Variants in HTR1D observed in about 807,000 individuals in gnomAD.
HTR1D encodes 5-HT-1D.
HTR1D carries 18 observed loss-of-function variants against 21.1 expected under a neutral mutation model. The observed-to-expected ratio is 0.85, with a 90% CI of 0.59 to 1.27. The LOEUF is 1.27. HTR1D is among the 50% of genes most tolerant of loss of function. The pLI is 0.00. For synonymous variants in HTR1D, 196 were observed against 204.4 expected (o/e 0.96, Z 0.35); for missense variants, 456 against 481.4 (o/e 0.95, Z 0.49).
chr1:23,195,997 G>GT lies in HTR1D; in HGVS notation c.-782-997dup, dbSNP rs542759563. Among the ~76,000 whole-genome samples the GT allele has an allele frequency of 3.9e-5, 6 of 151,934 alleles. No individual in the cohort carries two copies. In the South Asian group the frequency reaches 1.2e-3, roughly 32 times the overall value. ...TGCACACCACCGTGCCCAGCTAATT[G>GT]TTTTTTATTTGTTTGTTTGTTTTCA... On this transcript the variant is annotated intron_variant, in intron 1 of 1. Coordinates refer to ENST00000374619, the MANE Select transcript of HTR1D (RefSeq NM_000864.5).
At chr1:23,203,967 A>G (rs1295013293) in intron 1 of HTR1D, among the ~76,000 whole-genome samples, 2 of 152,186 alleles carry the variant, frequency 1.3e-5, no homozygotes, top group Admixed American at 6.5e-5. Flanking sequence ...CAATACAGGG[A>G]GACCGTCTCT....
chr1:23,206,673 C>G (rs1644732186), intron 1 of HTR1D, among the ~76,000 whole-genome samples: 1 of 152,150 alleles, frequency 6.6e-6, no homozygotes, highest in Non-Finnish European at 1.5e-5. Context: ...CCCTTCAGAG[C>G]TAGGCTCTGG....
Position 23,193,283 on chromosome 1 carries a change from A to G in HTR1D, c.937T>C (p.Cys313Arg). Residue 313 changes from cysteine to arginine, a missense_variant, in exon 2 of 2, where the codon TGC (cysteine) becomes CGC (arginine). Cys to Arg is a radical substitution (Grantham distance 180). Coordinates refer to ENST00000374619, the MANE Select transcript of HTR1D (RefSeq NM_000864.5). ...GACACCACGAAGAAGGGCAGCCAGC[A>G]GATGATAAAGGCCCCCAGAATGATG... Reference protein sequence around the residue: ...LGIILGAFIICWLPFFVVSLV... With the variant: ...LGIILGAFIIRWLPFFVVSLV... 6.2e-7 allele frequency: 1 copy of G among 1,614,210 alleles called. No homozygotes were observed. Among genetic ancestry groups the G allele is most frequent in the Non-Finnish European group, 8.5e-7 (1 of 1,180,038 alleles).
At chr1:23,210,632 C>G (rs1415810577) in intron 1 of HTR1D, among the ~76,000 whole-genome samples, 1 of 152,020 alleles carries the variant, frequency 6.6e-6, no homozygotes, top group Non-Finnish European at 1.5e-5. Context: ...AGCGCTCCTT[C>G]TACTGGCTCC....
At chr1:23,204,780 A>G (rs1011563976) in intron 1 of HTR1D, among the ~76,000 whole-genome samples, 2 of 152,148 alleles carry the variant, frequency 1.3e-5, no homozygotes, top group Admixed American at 6.5e-5. Context: ...AGGGAGAGAC[A>G]AGGACGTGGA....
intron 1 of HTR1D, among the ~76,000 whole-genome samples, chr1:23,205,817 C>G (rs1018429135): frequency 5.9e-5 from 9 of 152,214 alleles, no homozygotes; most frequent in Non-Finnish European, 1.2e-4. Flanking sequence ...GTTGGGATTA[C>G]AGGCGTGTGC....
Position 23,193,163 on chromosome 1 carries a change from G to T in HTR1D, c.1057C>A (p.Pro353Thr), listed in dbSNP as rs1451513206. The T allele has an allele frequency of 2.5e-6, 4 of 1,613,078 alleles. No homozygotes were observed. The highest frequency in any genetic ancestry group is 2.7e-5 in the African/African-American group (2 of 74,582). The change falls in exon 2 of 2, where the codon CCA (proline) becomes ACA (threonine). Residue 353 changes from proline to threonine, a missense_variant. By Grantham distance (38) the Pro-to-Thr change is conservative. Transcript: ENST00000374619. ...WLGYLNSLIN[P>T]IIYTVFNEEF... ...TCATTAAACACAGTGTAGATTATTG[G>T]ATTGATGAGGGAGTTTAAATAGCCT...
At chr1:23,209,507 C>A (rs1005969678) in intron 1 of HTR1D, among the ~76,000 whole-genome samples, 1 of 149,952 alleles carries the variant, frequency 6.7e-6, no homozygotes, top group Non-Finnish European at 1.5e-5. Flanking sequence ...GGGGGGAGGG[C>A]GCTATGTGGG....
At chr1:23,205,489 G>T (rs1644726230) in intron 1 of HTR1D, among the ~76,000 whole-genome samples, 1 of 152,150 alleles carries the variant, frequency 6.6e-6, no homozygotes, top group Non-Finnish European at 1.5e-5. Flanking sequence ...TGAGTTTGAG[G>T]GTAGCTTGTT....
rs1260508918 is a variant in HTR1D, at chr1:23,192,751, C to G, written c.*335G>C. 1 of 174,370 alleles carries G rather than the reference C, an allele frequency of 5.7e-6. No homozygotes were observed. Among genetic ancestry groups the G allele is most frequent in the Non-Finnish European group, 1.2e-5 (1 of 84,038 alleles). The allele number at this position is 174,370 out of a possible 1,614,324, so 10.8% of individuals were successfully genotyped here. On this transcript the variant is annotated 3_prime_UTR_variant, in exon 2 of 2. Transcript: ENST00000374619. ...GCTACTCTGGAGGCTGAGGCAGAAT[C>G]TCTTGAACCCGGGATGCGGAGGTTG...
chr1:23,204,265 A>G (rs1644721062), intron 1 of HTR1D, among the ~76,000 whole-genome samples: 1 of 152,086 alleles, frequency 6.6e-6, no homozygotes, highest in Non-Finnish European at 1.5e-5. Context: ...AGCTGGGACT[A>G]CAGGCACTGG....
At chr1:23,205,154 A>T (rs1557725023) in intron 1 of HTR1D, among the ~76,000 whole-genome samples, 1 of 151,950 alleles carries the variant, frequency 6.6e-6, no homozygotes, top group Non-Finnish European at 1.5e-5. Context: ...GGAAAACCAA[A>T]CATTGTATGT....
In HTR1D at chr1:23,192,815, G is replaced by A. The variant is rs1156707603; in HGVS notation, c.*271C>T. The A allele has an allele frequency of 3.3e-5, 8 of 245,834 alleles. No homozygotes were observed. Among genetic ancestry groups the A allele is most frequent in the East Asian group, 2.3e-4 (3 of 13,116 alleles). The allele number at this position is 245,834 out of a possible 1,614,324, so 15.2% of individuals were successfully genotyped here. On this transcript the variant is annotated 3_prime_UTR_variant, in exon 2 of 2. Coordinates refer to ENST00000374619, the MANE Select transcript of HTR1D (RefSeq NM_000864.5). The stretch of plus-strand genomic sequence containing the variant: ...TTGTGCCACTACACTCCAGCCTGGC[G>A]AGAGGGCAAGACTCCGTCTCAAAAA...
At chr1:23,216,580 C>T (rs1354484371) in intron 1 of HTR1D, among the ~76,000 whole-genome samples, 3 of 152,224 alleles carry the variant, frequency 2.0e-5, no homozygotes, top group Admixed American at 6.5e-5. Context: ...AGACGGATTC[C>T]CCACTCTCCC....
Position 23,193,673 on chromosome 1 carries a change from C to T in HTR1D, c.547G>A (p.Glu183Lys). Residue 183 changes from glutamate to lysine, a missense_variant, in exon 2 of 2, where the codon GAG becomes AAG. Glu to Lys is a moderately conservative substitution (Grantham distance 56, BLOSUM62 1). Transcript: ENST00000374619. ...TTCACCAGACAGTCCGACATCTCCT[C>T]CTGGGCCTTGGCCTGCCGCCAGAAG... ...PLFWRQAKAQEEMSDCLVNTS... is the reference protein window; with the variant it reads ...PLFWRQAKAQKEMSDCLVNTS... The T allele has an allele frequency of 6.2e-7, 1 of 1,613,458 alleles. No individual in the cohort carries two copies. Among genetic ancestry groups the T allele is most frequent in the Non-Finnish European group, 8.5e-7 (1 of 1,179,648 alleles).
chr1:23,196,167 G>C (rs772888334), intron 1 of HTR1D, among the ~76,000 whole-genome samples: 38 of 152,060 alleles, frequency 2.5e-4, no homozygotes, highest in Non-Finnish European at 2.9e-4. Flanking sequence ...ATCACCAGCT[G>C]GGTGCGGTGG....
intron 1 of HTR1D, among the ~76,000 whole-genome samples, chr1:23,212,383 A>G (rs552089282): frequency 2.6e-5 from 4 of 152,272 alleles, no homozygotes; most frequent in Admixed American, 1.3e-4. Context: ...GTGGGTGCCC[A>G]TCCCTCTCAC....
intron 1 of HTR1D, among the ~76,000 whole-genome samples, chr1:23,206,049 CT>C (rs923780808): frequency 1.5e-3 from 225 of 148,800 alleles, no homozygotes; most frequent in Admixed American, 2.4e-3. Flanking sequence ...TCCTTCCTTT[CT>C]TTTTTTTTTG....
At chr1:23,209,879 A>T (rs1644747409) in intron 1 of HTR1D, among the ~76,000 whole-genome samples, 1 of 152,134 alleles carries the variant, frequency 6.6e-6, no homozygotes, top group Non-Finnish European at 1.5e-5. Context: ...AGAAATCTGT[A>T]CTGGGTACCT....
Sources: gnomAD v4.1 joint callset for allele counts (sites outside exome capture counted in the v4.1 genomes callset) on GRCh38, gnomAD v4.1.1 for gene constraint, MANE v1.5 for transcripts, NCBI Gene and HGNC (gene_info 2026-07-23, HGNC 2026-07-21) for gene names.